Variants in PTPA observed in about 807,000 individuals in gnomAD.
The protein encoded by PTPA is protein phosphatase 2 phosphatase activator.
Under a neutral mutation model 43.6 loss-of-function variants are expected in PTPA, and 13 were observed. That is an observed-to-expected ratio of 0.30 (90% CI 0.19 to 0.47). The LOEUF is 0.47. PTPA is among the 20% of genes least tolerant of loss of function. PTPA has a pLI of 0.99. For missense variants in PTPA, 329 were observed against 411.9 expected (o/e 0.80, Z 1.74); for synonymous variants, 172 against 158.2 (o/e 1.09, Z -0.66).
intron 9 of PTPA, among the ~76,000 whole-genome samples, chr9:129,144,737 A>T (rs978049301): frequency 4.8e-4 from 1 of 2,076 alleles, no homozygotes; most frequent in Non-Finnish European, 1.4e-3. Context: ...AGACTCTCTC[A>T]AAAAAAAAAA....
chr9:129,135,774 G>T (rs1484149177), intron 6 of PTPA, among the ~76,000 whole-genome samples: 1 of 152,222 alleles, frequency 6.6e-6, no homozygotes, highest in Non-Finnish European at 1.5e-5. Flanking sequence ...TTCACAGGTG[G>T]TTGATATGCA....
intron 9 of PTPA, chr9:129,143,185 A>C (rs909291575): frequency 2.4e-5 from 15 of 623,266 alleles, no homozygotes; most frequent in Non-Finnish European, 4.3e-5. Context: ...CTCCCAGCCA[A>C]GGAGGTGGCC....
chr9:129,115,193 T>C (rs953242463), intron 1 of PTPA, among the ~76,000 whole-genome samples: 4 of 152,210 alleles, frequency 2.6e-5, no homozygotes, highest in Non-Finnish European at 5.9e-5. Context: ...GGACACATTT[T>C]CCCATAAAAG....
intron 9 of PTPA, chr9:129,143,008 T>A: frequency 8.5e-7 from 1 of 1,180,570 alleles, no homozygotes; most frequent in Non-Finnish European, 1.1e-6. Flanking sequence ...GTGGGAGGTC[T>A]GAGGGTAGGC....
chr9:129,115,251 A>G (rs1848789557), intron 1 of PTPA, among the ~76,000 whole-genome samples: 1 of 152,164 alleles, frequency 6.6e-6, no homozygotes, highest in African/African-American at 2.4e-5. Context: ...TTTATTTGGC[A>G]TCTTAGTTGA....
At chr9:129,138,372 C>G (rs1359729254) in intron 8 of PTPA, among the ~76,000 whole-genome samples, 1 of 152,180 alleles carries the variant, frequency 6.6e-6, no homozygotes, top group Non-Finnish European at 1.5e-5. Flanking sequence ...CCCTCCATCC[C>G]AGCTTATTGC....
intron 1 of PTPA, among the ~76,000 whole-genome samples, chr9:129,112,814 G>A (rs760906591): frequency 2.6e-5 from 4 of 152,046 alleles, no homozygotes; most frequent in Non-Finnish European, 4.4e-5. Flanking sequence ...GGTGACACAC[G>A]CCCGTAATCC....
In PTPA at chr9:129,137,712, G is replaced by C. The variant is rs776422724; in HGVS notation, c.786+20G>C. The stretch of plus-strand genomic sequence containing the variant: ...ACCGAGGTGAGGAGGAGGGGTGAGA[G>C]AGAAGCCCATGGCTGCCTCCAGGCT... On this transcript the variant is annotated intron_variant, in intron 8 of 9. Coordinates refer to ENST00000393370, the MANE Select transcript of PTPA (RefSeq NM_178000.3). The C allele has an allele frequency of 3.2e-6, 5 of 1,563,710 alleles. No homozygotes were observed. The highest frequency in any genetic ancestry group is 1.7e-6 in the Non-Finnish European group (2 of 1,144,416).
intron 9 of PTPA, among the ~76,000 whole-genome samples, chr9:129,146,909 A>C (rs1407007560): frequency 6.6e-6 from 1 of 152,176 alleles, no homozygotes; most frequent in African/African-American, 2.4e-5. Flanking sequence ...GCTGGTTCTT[A>C]TTGTCTCGCT....
At chr9:129,137,956 A>C in intron 8 of PTPA, 1 of 456,434 alleles carries the variant, frequency 2.2e-6, no homozygotes. Flanking sequence ...TTGGTCACTA[A>C]CTGGCCTTGG....
At chr9:129,125,881 G>A (rs1225183566) in intron 3 of PTPA, among the ~76,000 whole-genome samples, 1 of 152,184 alleles carries the variant, frequency 6.6e-6, no homozygotes, top group Non-Finnish European at 1.5e-5. Context: ...GGGCGCGGTG[G>A]CTCATGACTG....
chr9:129,140,646 C>T (rs114647505), intron 8 of PTPA, among the ~76,000 whole-genome samples: 263 of 152,294 alleles, frequency 1.7e-3, no homozygotes, highest in African/African-American at 5.9e-3. Context: ...CAGACAAAGC[C>T]GACAAAGCCG....
At chr9:129,131,925 C>G (rs1369893166) in intron 5 of PTPA, among the ~76,000 whole-genome samples, 2 of 152,190 alleles carry the variant, frequency 1.3e-5, no homozygotes, top group Non-Finnish European at 2.9e-5. Context: ...AAAATGGTCT[C>G]TGAGCTCCTC....
intron 4 of PTPA, among the ~76,000 whole-genome samples, chr9:129,130,309 A>G (rs183869144): frequency 3.0e-4 from 45 of 152,222 alleles, no homozygotes; most frequent in Non-Finnish European, 3.5e-4. Flanking sequence ...CTCTGGCCCA[A>G]TATTTTCACA....
In PTPA at chr9:129,132,880, C is replaced by T. The variant is rs549179368; in HGVS notation, c.460+1241C>T. 5.3e-5 allele frequency among the ~76,000 whole-genome samples: 8 copies of T among 152,306 alleles called. No individual in the cohort carries two copies. The South Asian group carries it at 1.7e-3, about 32-fold the overall frequency. On this transcript the variant is annotated intron_variant, in intron 5 of 9. Transcript: ENST00000393370. ...GAACTCCTGAGCTCAAGCTGTTCTC[C>T]CACCTCAGCCTCCCAAAGTGCTCAG...
rs1242356279 is a variant in PTPA at position 129,119,153 on chromosome 9, C to T, written c.32-1360C>T. ...AGCTGGGACTACAGGTATGCAACCA[C>T]ACCCAGCTAATTTTTAAATTTTTTT... On this transcript the variant is annotated intron_variant, in intron 1 of 9. Coordinates refer to ENST00000393370, the MANE Select transcript of PTPA (RefSeq NM_178000.3). 2.4e-5 allele frequency: 4 copies of T among 164,674 alleles called. No homozygotes were observed. In the East Asian group the frequency reaches 7.6e-4, roughly 31 times the overall value. 10.2% of individuals were successfully genotyped at this position (164,674 alleles called of 1,614,324 possible).
intron 7 of PTPA, 90 bp downstream of exon 7, chr9:129,136,685 C>T (rs1056136270): frequency 1.4e-6 from 2 of 1,409,448 alleles, no homozygotes; most frequent in Non-Finnish European, 1.9e-6. Flanking sequence ...CCCTCCTTCC[C>T]TTCTTCCTGC....
At chr9:129,121,755 G>T (rs1849262368) in intron 2 of PTPA, among the ~76,000 whole-genome samples, 1 of 152,224 alleles carries the variant, frequency 6.6e-6, no homozygotes, top group African/African-American at 2.4e-5. Flanking sequence ...TGCTCTAGTT[G>T]AGAACCTGCT....
intron 1 of PTPA, among the ~76,000 whole-genome samples, chr9:129,117,580 T>C (rs192642793): frequency 1.6e-3 from 244 of 150,814 alleles, no homozygotes; most frequent in Non-Finnish European, 2.5e-3. Flanking sequence ...ATTTTTTGTA[T>C]TTTTAGTAGA....
Sources: allele counts gnomAD v4.1 joint callset (sites outside exome capture counted in the v4.1 genomes callset), GRCh38; gene constraint gnomAD v4.1.1; transcripts MANE v1.5; gene names NCBI Gene and HGNC (gene_info 2026-07-23, HGNC 2026-07-21).